Variants in NXPH1 observed in about 807,000 individuals in gnomAD.
NXPH1 encodes neurexophilin 1.
Under a neutral mutation model 23.7 loss-of-function variants are expected in NXPH1, and 5 were observed. The ratio of observed to expected loss-of-function variants is 0.21; its 90% CI spans 0.11 to 0.44. The LOEUF is 0.44. Among genes scored for constraint, NXPH1 ranks in the 20% least tolerant of loss-of-function variants. The probability of loss-of-function intolerance (pLI) is 0.99; values close to 1 mark genes in which losing one functional copy is unlikely to be tolerated. For synonymous variants in NXPH1, 144 were observed against 122.2 expected, an observed-to-expected ratio of 1.18 and a Z score of -1.18; for missense variants, 324 against 321.6, an observed-to-expected ratio of 1.01 and a Z score of -0.06.
chr7:8,751,272 A>C lies in NXPH1; in HGVS notation c.319A>C (p.Arg107=), dbSNP rs375657993. Residue 107 remains arginine (R), a synonymous_variant, in exon 3 of 3, where the codon AGG becomes CGG. Coordinates refer to ENST00000405863, the MANE Select transcript of NXPH1 (RefSeq NM_152745.3). This position sits in a 1 kb window ranked among gnomAD's most constrained non-coding sequence, Gnocchi z 4.5. ...LQEPRPRAKR[R]PIVKTGKFKK... is the part of the protein sequence containing the mutation. ...AGAGCCTCGGCCCAGGGCCAAGAGAAGGCCCATTGTTAAAACGGGCAAGTT... is the reference window on the plus strand; with the variant it reads ...AGAGCCTCGGCCCAGGGCCAAGAGACGGCCCATTGTTAAAACGGGCAAGTT... The C allele has an allele frequency of 6.2e-7, 1 of 1,613,828 alleles. No individual in the cohort carries two copies. Among genetic ancestry groups the C allele is most frequent in the African/African-American group, 1.3e-5 (1 of 74,944 alleles).
chr7:8,534,935 C>T (rs561474932), intron 2 of NXPH1, among the ~76,000 whole-genome samples: 1 of 152,126 alleles, frequency 6.6e-6, no homozygotes, highest in East Asian at 1.9e-4. Flanking sequence ...ACAAATGTAT[C>T]TGAATGAAAC....
intron 2 of NXPH1, among the ~76,000 whole-genome samples, chr7:8,443,330 A>T (rs1816337814): frequency 6.6e-6 from 1 of 152,176 alleles, no homozygotes; most frequent in African/African-American, 2.4e-5. Flanking sequence ...ATTCTTTCAC[A>T]GTTCATTAAA....
At position 8,751,344 on chromosome 7, in the gene NXPH1, GTGAAGC is replaced by G; in HGVS notation, c.396_401del (p.Lys132_Leu133del). 6.2e-7 allele frequency: 1 copy of G among 1,613,932 alleles called. No individual in the cohort carries two copies. Among genetic ancestry groups the G allele is most frequent in the Non-Finnish European group, 8.5e-7 (1 of 1,179,858 alleles). ...CGATTTTCATTCCAACATCAAAACA[GTGAAGC>G]TGAACCTGTTGATAACTGGGAAAAT... is the stretch of plus-strand genomic sequence containing the variant. On this transcript the variant is annotated inframe_deletion, in exon 3 of 3. Coordinates refer to ENST00000405863, the MANE Select transcript of NXPH1 (RefSeq NM_152745.3). The surrounding 1 kb of genome is among the most constrained non-coding windows in gnomAD (Gnocchi z 4.5).
At chr7:8,647,067 A>T (rs1185703586) in intron 2 of NXPH1, among the ~76,000 whole-genome samples, 1 of 152,120 alleles carries the variant, frequency 6.6e-6, no homozygotes, top group African/African-American at 2.4e-5. Context: ...CAGGCAGACA[A>T]TCGGACAGAC....
chr7:8,438,732 C>T (rs1361058819), intron 2 of NXPH1, among the ~76,000 whole-genome samples: 5 of 152,214 alleles, frequency 3.3e-5, no homozygotes, highest in African/African-American at 7.2e-5. Flanking sequence ...TAGGTCAATG[C>T]CCCACACCAA....
intron 2 of NXPH1, among the ~76,000 whole-genome samples, chr7:8,547,156 T>A (rs943426881): frequency 4.0e-5 from 6 of 151,378 alleles, no homozygotes; most frequent in African/African-American, 1.5e-4. Flanking sequence ...CCCCCTTAGG[T>A]GAATGCCAAA....
At chr7:8,590,248 A>G (rs930757439) in intron 2 of NXPH1, among the ~76,000 whole-genome samples, 4 of 152,124 alleles carry the variant, frequency 2.6e-5, no homozygotes. Context: ...CTGCATCCAG[A>G]GTTCTCTACT....
intron 2 of NXPH1, among the ~76,000 whole-genome samples, chr7:8,642,330 G>T (rs142749490): frequency 6.6e-6 from 1 of 152,124 alleles, no homozygotes; most frequent in Non-Finnish European, 1.5e-5. Flanking sequence ...CTGTAAAAAG[G>T]TCTGATGCCA....
chr7:8,546,365 C>T (rs1014190866), intron 2 of NXPH1, among the ~76,000 whole-genome samples: 7 of 151,354 alleles, frequency 4.6e-5, no homozygotes, highest in Admixed American at 3.3e-4. Flanking sequence ...ATATTCTTTA[C>T]TAGTGGTTTT....
chr7:8,624,956 G>C (rs1377949008), intron 2 of NXPH1, among the ~76,000 whole-genome samples: 1 of 152,058 alleles, frequency 6.6e-6, no homozygotes, highest in Non-Finnish European at 1.5e-5. Context: ...CCCTAAAAAA[G>C]TGGGGTAGGC....
At chr7:8,719,852 A>G (rs908915948) in intron 2 of NXPH1, among the ~76,000 whole-genome samples, 1 of 152,318 alleles carries the variant, frequency 6.6e-6, no homozygotes, top group East Asian at 1.9e-4. Context: ...AATAAAAAAT[A>G]CAATATTATT....
chr7:8,635,289 G>A (rs1428242632), intron 2 of NXPH1, among the ~76,000 whole-genome samples: 1 of 152,220 alleles, frequency 6.6e-6, no homozygotes, highest in East Asian at 1.9e-4. Context: ...CTAACACACA[G>A]CAGTCTTTGT....
At chr7:8,532,228 G>A (rs1817958600) in intron 2 of NXPH1, among the ~76,000 whole-genome samples, 1 of 152,030 alleles carries the variant, frequency 6.6e-6, no homozygotes, top group South Asian at 2.1e-4. Flanking sequence ...AATTCAATCT[G>A]GCACCCAGGC....
chr7:8,643,945 C>G (rs1234558687), intron 2 of NXPH1, among the ~76,000 whole-genome samples: 1 of 151,888 alleles, frequency 6.6e-6, no homozygotes, highest in Non-Finnish European at 1.5e-5. Context: ...TACATTTTTG[C>G]TAATAGTAAT....
At chr7:8,493,689 T>C (rs1417541023) in intron 2 of NXPH1, among the ~76,000 whole-genome samples, 1 of 152,072 alleles carries the variant, frequency 6.6e-6, no homozygotes, top group African/African-American at 2.4e-5. Context: ...CATAATAAAA[T>C]GTTCATGTAT....
chr7:8,512,305 A>T (rs576586305), intron 2 of NXPH1, among the ~76,000 whole-genome samples: 5 of 152,106 alleles, frequency 3.3e-5, no homozygotes, highest in Non-Finnish European at 7.4e-5. Context: ...CCCTTTTTGA[A>T]TTTTAAAACA....
chr7:8,480,171 G>A (rs376752261), intron 2 of NXPH1, among the ~76,000 whole-genome samples: 2 of 152,042 alleles, frequency 1.3e-5, no homozygotes, highest in Non-Finnish European at 1.5e-5. Flanking sequence ...ATAGGTGGTG[G>A]TTGCAGGAAG....
At chr7:8,496,655 C>A (rs906607979) in intron 2 of NXPH1, among the ~76,000 whole-genome samples, 2 of 152,026 alleles carry the variant, frequency 1.3e-5, no homozygotes, top group Non-Finnish European at 2.9e-5. Context: ...ACTTCTTGGG[C>A]CCCATCCCAG....
At chr7:8,564,843 C>A (rs1292912694) in intron 2 of NXPH1, among the ~76,000 whole-genome samples, 1 of 151,720 alleles carries the variant, frequency 6.6e-6, no homozygotes, top group Admixed American at 6.6e-5. Flanking sequence ...ACAGTCTTTG[C>A]TGGAAATAAG....
Sources: allele counts gnomAD v4.1 joint callset (sites outside exome capture counted in the v4.1 genomes callset), GRCh38; gene constraint gnomAD v4.1.1; non-coding constraint Gnocchi (gnomAD v3.1); transcripts MANE v1.5; gene names NCBI Gene and HGNC (gene_info 2026-07-23, HGNC 2026-07-21).